GNG4: variants seen among roughly 807,000 people sequenced by gnomAD.
GNG4 encodes the protein G protein subunit gamma 4, also known as guanine nucleotide-binding protein G(I)/G(S)/G(O) subunit gamma-4.
In GNG4, 4 loss-of-function variants were observed where a neutral mutation model predicts 5.8. The ratio of observed to expected loss-of-function variants is 0.69; its 90% confidence interval spans 0.34 to 1.57. GNG4 has a LOEUF of 1.57. Ranked by LOEUF, GNG4 falls within the 40% of genes most tolerant of loss-of-function variation. The probability of loss-of-function intolerance (pLI) is 0.06; values close to 1 mark genes in which losing one functional copy is unlikely to be tolerated. For missense variants in GNG4, 96 were observed against 95.1 expected, an observed-to-expected ratio of 1.01 and a Z score of -0.04; for synonymous variants, 29 against 32.9, an observed-to-expected ratio of 0.88 and a Z score of 0.41.
chr1:235,558,308 A>C (rs1572609972), intron 3 of GNG4, among the ~76,000 whole-genome samples: 1 of 152,238 alleles, frequency 6.6e-6, no homozygotes, highest in East Asian at 1.9e-4. Flanking sequence ...ATCTTACAGC[A>C]AAATAGTCAA....
intron 1 of GNG4, among the ~76,000 whole-genome samples, chr1:235,636,395 C>T (rs925616759): frequency 6.6e-6 from 1 of 152,228 alleles, no homozygotes. Flanking sequence ...GCACCAGGTC[C>T]TGCGGTGAGG....
At position 235,548,855 on chromosome 1, in the gene GNG4, TG is replaced by T. The variant is rs1436111302; in HGVS notation, c.*3253del. The T allele has an allele frequency of 6.6e-6, 1 of 152,222 alleles. No homozygotes were observed. The highest frequency in any genetic ancestry group is 1.5e-5 in the Non-Finnish European group (1 of 68,092). 9.4% of individuals were successfully genotyped at this position (152,222 alleles called of 1,614,324 possible). Reference sequence around the variant, plus strand: ...GACAGAGTGGGGGAGCTCAGTGACATGTCTGTGGATCTCACAGCTCATGTGC... The same window carrying T: ...GACAGAGTGGGGGAGCTCAGTGACATTCTGTGGATCTCACAGCTCATGTGC... On this transcript the variant is annotated 3_prime_UTR_variant, in exon 4 of 4. Transcript: ENST00000391854.
At chr1:235,624,484 G>A (rs1688771925) in intron 1 of GNG4, among the ~76,000 whole-genome samples, 1 of 151,950 alleles carries the variant, frequency 6.6e-6, no homozygotes, top group Non-Finnish European at 1.5e-5. Context: ...GACAGTTAGA[G>A]GAAAATGATA....
At chr1:235,570,171 CTT>C (rs1166245508) in intron 3 of GNG4, among the ~76,000 whole-genome samples, 1 of 152,146 alleles carries the variant, frequency 6.6e-6, no homozygotes, top group Non-Finnish European at 1.5e-5. Flanking sequence ...TGAGAATGCT[CTT>C]GTCAGTCTGG....
chr1:235,627,468 G>A (rs972728528), intron 1 of GNG4, among the ~76,000 whole-genome samples: 2 of 151,802 alleles, frequency 1.3e-5, no homozygotes, highest in African/African-American at 4.8e-5. Flanking sequence ...TAATCTGCCC[G>A]CCTCGGCTTC....
intron 1 of GNG4, among the ~76,000 whole-genome samples, chr1:235,624,757 C>T (rs1489391514): frequency 6.6e-6 from 1 of 152,178 alleles, no homozygotes; most frequent in East Asian, 1.9e-4. Flanking sequence ...TAAGACAGAT[C>T]AAAGAAGGTT....
chr1:235,560,162 G>A (rs910473337), intron 3 of GNG4, among the ~76,000 whole-genome samples: 3 of 152,196 alleles, frequency 2.0e-5, no homozygotes, highest in Non-Finnish European at 4.4e-5. Context: ...AAACGAGAAC[G>A]GCAACACCTG....
intron 3 of GNG4, among the ~76,000 whole-genome samples, chr1:235,581,499 A>G (rs1687635534): frequency 6.6e-6 from 1 of 151,758 alleles, no homozygotes; most frequent in African/African-American, 2.4e-5. Flanking sequence ...TGGGCGACAG[A>G]GCGAGACTCC....
chr1:235,617,406 G>T (rs968244771), intron 1 of GNG4, among the ~76,000 whole-genome samples: 2 of 152,238 alleles, frequency 1.3e-5, no homozygotes, highest in Non-Finnish European at 2.9e-5. Flanking sequence ...CTAGCAGAAT[G>T]CTGGGTATTG....
At chr1:235,605,248 C>A (rs753935364) in intron 1 of GNG4, among the ~76,000 whole-genome samples, 1 of 150,116 alleles carries the variant, frequency 6.7e-6, no homozygotes, top group Non-Finnish European at 1.5e-5. Flanking sequence ...TGGAGTGCAG[C>A]GGCACGATCC....
chr1:235,644,312 A>AC lies in GNG4; in HGVS notation c.-123+5349dup, dbSNP rs1234325530. 6.6e-6 allele frequency among the ~76,000 whole-genome samples: 1 copy of AC among 152,094 alleles called. No individual in the cohort carries two copies. ...CAGAGAGAATTCAGTGGCCGGCAAC[A>AC]CTGCCAGTTCCCCTTTATTTCCCTT... On this transcript the variant is annotated intron_variant, in intron 1 of 3. Coordinates refer to ENST00000391854, the MANE Select transcript of GNG4 (RefSeq NM_001098722.2). The surrounding 1 kb of genome is among the most constrained non-coding windows in gnomAD (Gnocchi z 5.9).
At chr1:235,575,485 G>A (rs1687462055) in intron 3 of GNG4, among the ~76,000 whole-genome samples, 1 of 152,108 alleles carries the variant, frequency 6.6e-6, no homozygotes. Context: ...TCTATAGAAC[G>A]CAGGCCCAAC....
intron 2 of GNG4, chr1:235,588,902 A>T (rs1344179982): frequency 6.6e-6 from 1 of 152,390 alleles, no homozygotes; most frequent in Non-Finnish European, 1.5e-5. Context: ...CCTCCACAGC[A>T]GAGCCTGTAG....
chr1:235,580,745 TG>T lies in GNG4; in HGVS notation c.99+2994del, dbSNP rs546112344. 1.7e-3 allele frequency among the ~76,000 whole-genome samples: 229 copies of T among 131,276 alleles called. 35 individuals carry two copies. Among genetic ancestry groups the T allele is most frequent in the African/African-American group, 5.8e-3 (161 of 27,530 alleles). The allele number at this position is 131,276 out of a possible 152,430, so 86.1% of individuals were successfully genotyped here. ...CAACATGGCGGCCTATCCCGTTTTT[TG>T]TTTTTTTTTTTTTTTTTTTCCTGAG... On this transcript the variant is annotated intron_variant, in intron 3 of 3. Transcript: ENST00000391854.
At chr1:235,605,209 T>C (rs1210711706) in intron 1 of GNG4, among the ~76,000 whole-genome samples, 2 of 151,220 alleles carry the variant, frequency 1.3e-5, no homozygotes, top group East Asian at 3.9e-4. Context: ...TTTTTTTTTT[T>C]AAATGGAGTC....
intron 2 of GNG4, among the ~76,000 whole-genome samples, chr1:235,594,952 A>G (rs910513413): frequency 2.0e-5 from 3 of 152,194 alleles, no homozygotes; most frequent in Admixed American, 2.0e-4. Context: ...TCTCACAGCT[A>G]TCCCTGAGCC....
At chr1:235,617,595 G>C (rs570193761) in intron 1 of GNG4, among the ~76,000 whole-genome samples, 2 of 152,100 alleles carry the variant, frequency 1.3e-5, no homozygotes, top group Non-Finnish European at 1.5e-5. Context: ...TCTTCTAAGA[G>C]ACTTGCAGGC....
intron 1 of GNG4, among the ~76,000 whole-genome samples, chr1:235,600,522 C>T (rs987105220): frequency 1.3e-5 from 2 of 151,994 alleles, no homozygotes; most frequent in African/African-American, 4.8e-5. Flanking sequence ...TCACTGCAGC[C>T]TTAATCTCCT....
rs536272175 is a variant in GNG4 at position 235,609,176 on chromosome 1, T to G, written c.-122-13665A>C. 2.6e-4 allele frequency among the ~76,000 whole-genome samples: 39 copies of G among 152,310 alleles called. 1 individual carries two copies. The South Asian group carries it at 8.1e-3, about 32-fold the overall frequency. ...TAATGTTTTCAGGATTCATGCATGT[T>G]GTAGCATGTATCAGTATTTCATTCC... On this transcript the variant is annotated intron_variant, in intron 1 of 3. Transcript: ENST00000391854.
Sources: gnomAD v4.1 joint callset for allele counts (sites outside exome capture counted in the v4.1 genomes callset) on GRCh38, gnomAD v4.1.1 for gene constraint, Gnocchi (gnomAD v3.1) non-coding constraint, MANE v1.5 for transcripts, NCBI Gene and HGNC (gene_info 2026-07-23, HGNC 2026-07-21) for gene names.